Variants in TRPC4 observed in about 807,000 individuals in gnomAD.
The protein encoded by TRPC4 is short transient receptor potential channel 4.
Under a neutral mutation model 99.4 loss-of-function variants are expected in TRPC4, and 49 were observed. The ratio of observed to expected loss-of-function variants is 0.49; its 90% confidence interval spans 0.39 to 0.63. The LOEUF (loss-of-function observed/expected upper bound fraction) is 0.63, where lower values mean the gene tolerates loss of function less well. Among genes scored for constraint, TRPC4 ranks in the 20% least tolerant of loss-of-function variants. The pLI is 0.00. For synonymous variants in TRPC4, 454 were observed against 425.9 expected (o/e 1.07, Z -0.81); for missense variants, 898 against 1,152.9 (o/e 0.78, Z 3.20).
intron 3 of TRPC4, among the ~76,000 whole-genome samples, chr13:37,742,866 A>G (rs1172613589): frequency 6.6e-6 from 1 of 152,190 alleles, no homozygotes; most frequent in Admixed American, 6.5e-5. Flanking sequence ...ATGCGGTAAA[A>G]CACAACTTAT....
In TRPC4 at chr13:37,703,418, C is replaced by CA. The variant is rs762060761; in HGVS notation, c.898-11084dup. ...TTAAGATTTAGAGAGTTCCTACCAC[C>CA]AAAAAAAACCAGTGTTTTGTAACTC... On this transcript the variant is annotated intron_variant, in intron 3 of 10. Coordinates refer to ENST00000379705, the MANE Select transcript of TRPC4 (RefSeq NM_016179.4). 1.1e-4 allele frequency among the ~76,000 whole-genome samples: 16 copies of CA among 151,292 alleles called. No homozygotes were observed. The East Asian group carries it at 1.6e-3, about 15-fold the overall frequency.
intron 1 of TRPC4, among the ~76,000 whole-genome samples, chr13:37,811,020 C>T (rs1957671613): frequency 6.6e-6 from 1 of 152,040 alleles, no homozygotes; most frequent in East Asian, 1.9e-4. Context: ...TTTAATATTC[C>T]CAGATCTTCT....
chr13:37,716,301 C>T (rs915276648), intron 3 of TRPC4, among the ~76,000 whole-genome samples: 39 of 151,912 alleles, frequency 2.6e-4, no homozygotes, highest in South Asian at 6.2e-4. Flanking sequence ...AGTAAGGAGA[C>T]GAATAAATTC....
At chr13:37,869,208 T>C (rs2139755716) in intron 1 of TRPC4, among the ~76,000 whole-genome samples, 1 of 152,028 alleles carries the variant, frequency 6.6e-6, no homozygotes. Context: ...ATCTCCATTT[T>C]CCCCAAATGC....
chr13:37,801,740 C>T (rs138697833), intron 1 of TRPC4, among the ~76,000 whole-genome samples: 111 of 152,042 alleles, frequency 7.3e-4, no homozygotes, highest in African/African-American at 2.5e-3. Context: ...TAGAAGACAT[C>T]GAGCATAATA....
chr13:37,720,159 A>T (rs1301952472), intron 3 of TRPC4, among the ~76,000 whole-genome samples: 1 of 152,140 alleles, frequency 6.6e-6, no homozygotes, highest in African/African-American at 2.4e-5. Flanking sequence ...CAAGATCTCA[A>T]TTTTAGCTCA....
chr13:37,646,121 A>G (rs985762483), intron 8 of TRPC4, among the ~76,000 whole-genome samples: 24 of 152,184 alleles, frequency 1.6e-4, no homozygotes, highest in African/African-American at 5.5e-4. Flanking sequence ...GCTGTTGCTA[A>G]TCTATTCACA....
At chr13:37,855,197 A>G (rs1336055578) in intron 1 of TRPC4, among the ~76,000 whole-genome samples, 1 of 151,642 alleles carries the variant, frequency 6.6e-6, no homozygotes, top group Non-Finnish European at 1.5e-5. Flanking sequence ...CTACACATAT[A>G]TCTAACAAAA....
chr13:37,727,935 A>T (rs2139067613), intron 3 of TRPC4, among the ~76,000 whole-genome samples: 1 of 152,192 alleles, frequency 6.6e-6, no homozygotes, highest in South Asian at 2.1e-4. Context: ...GAATGAATTT[A>T]AAAAATCATA....
intron 4 of TRPC4, among the ~76,000 whole-genome samples, chr13:37,676,690 T>G (rs901959274): frequency 6.6e-6 from 1 of 151,954 alleles, no homozygotes; most frequent in Non-Finnish European, 1.5e-5. Flanking sequence ...ATCTTTAAAG[T>G]GCTGAAAGAA....
At chr13:37,837,466 T>C (rs1958598146) in intron 1 of TRPC4, among the ~76,000 whole-genome samples, 1 of 152,238 alleles carries the variant, frequency 6.6e-6, no homozygotes, top group Admixed American at 6.5e-5. Flanking sequence ...CAGCATGACC[T>C]GGATGTGAGA....
intron 1 of TRPC4, among the ~76,000 whole-genome samples, chr13:37,865,893 G>T (rs1258146866): frequency 6.6e-6 from 1 of 151,842 alleles, no homozygotes; most frequent in African/African-American, 2.4e-5. Context: ...CAAGGTAGAT[G>T]TTAAGATAAC....
intron 2 of TRPC4, among the ~76,000 whole-genome samples, chr13:37,746,833 C>A (rs77301648): frequency 0.015 from 2,229 of 152,202 alleles, 63 homozygotes; most frequent in African/African-American, 0.051. Context: ...TCAAGAAATA[C>A]ACTCAAAAAC....
chr13:37,824,960 G>A (rs1306051983), intron 1 of TRPC4, among the ~76,000 whole-genome samples: 1 of 151,968 alleles, frequency 6.6e-6, no homozygotes, highest in African/African-American at 2.4e-5. Context: ...TCCTGTTATT[G>A]GTCTATTCAG....
chr13:37,741,825 G>A (rs887320181), intron 3 of TRPC4, among the ~76,000 whole-genome samples: 4 of 151,940 alleles, frequency 2.6e-5, no homozygotes, highest in Non-Finnish European at 5.9e-5. Flanking sequence ...ATGGTGTGAT[G>A]GTTAGAGCCA....
intron 1 of TRPC4, among the ~76,000 whole-genome samples, chr13:37,868,758 T>C (rs17056745): frequency 0.038 from 5,795 of 152,220 alleles, 154 homozygotes; most frequent in African/African-American, 0.068. Context: ...GAAGGGCCTC[T>C]CTAAGAAGCC....
chr13:37,658,622 G>T (rs564311633), intron 6 of TRPC4, among the ~76,000 whole-genome samples: 1 of 152,300 alleles, frequency 6.6e-6, no homozygotes, highest in Non-Finnish European at 1.5e-5. Flanking sequence ...AAAGGGCTTT[G>T]CTTAATGAGA....
At position 37,811,253 on chromosome 13, in the gene TRPC4, T is replaced by G. The variant is rs546765667; in HGVS notation, c.-27-27893A>C. ...GCCAAAATACAAATCAATATATGTT[T>G]GTAGAACTATGATTCCAGCCAAGAG... On this transcript the variant is annotated intron_variant, in intron 1 of 10. Transcript: ENST00000379705. Among the ~76,000 whole-genome samples the G allele has an allele frequency of 6.6e-5, 10 of 152,246 alleles. No homozygotes were observed. The East Asian group carries it at 1.9e-3, about 29-fold the overall frequency.
At chr13:37,669,352 C>G (rs1443590859) in intron 5 of TRPC4, among the ~76,000 whole-genome samples, 1 of 152,048 alleles carries the variant, frequency 6.6e-6, no homozygotes, top group African/African-American at 2.4e-5. Flanking sequence ...ACTGTGGTCC[C>G]CAGGCATCAA....
Sources: allele counts gnomAD v4.1 joint callset (sites outside exome capture counted in the v4.1 genomes callset), GRCh38; gene constraint gnomAD v4.1.1; transcripts MANE v1.5; gene names NCBI Gene and HGNC (gene_info 2026-07-23, HGNC 2026-07-21).